The following RSPO2 variants were observed in gnomAD, a reference collection of about 807,000 sequenced individuals.
The protein encoded by RSPO2 is R-spondin 2.
RSPO2 carries 14 observed loss-of-function variants against 30.9 expected under a neutral mutation model. That is an observed-to-expected ratio of 0.45 (90% CI 0.30 to 0.71). The LOEUF (loss-of-function observed/expected upper bound fraction) is 0.71. Ranked by LOEUF, RSPO2 falls within the 30% of genes least tolerant of loss-of-function variation. The pLI is 0.08. For synonymous variants in RSPO2, 107 were observed against 96.4 expected, an observed-to-expected ratio of 1.11 and a Z score of -0.64; for missense variants, 264 against 301.9, an observed-to-expected ratio of 0.87 and a Z score of 0.93.
At chr8:107,990,231 A>C (rs1814802571) in intron 2 of RSPO2, among the ~76,000 whole-genome samples, 1 of 152,208 alleles carries the variant, frequency 6.6e-6, no homozygotes, top group African/African-American at 2.4e-5. Context: ...AAACAAGATA[A>C]AAAGGTACTA....
At chr8:107,907,998 A>T (rs1024625782) in intron 5 of RSPO2, among the ~76,000 whole-genome samples, 7 of 152,104 alleles carry the variant, frequency 4.6e-5, no homozygotes, top group African/African-American at 1.4e-4. Context: ...ATGGAAAAAA[A>T]GCTAACCCTG....
At chr8:107,948,292 G>A (rs1345094902) in intron 5 of RSPO2, among the ~76,000 whole-genome samples, 5 of 152,082 alleles carry the variant, frequency 3.3e-5, no homozygotes, top group South Asian at 2.1e-4. Flanking sequence ...CTAAAGACAC[G>A]GCAATAGAAA....
At chr8:107,938,770 C>T (rs1812796873) in intron 5 of RSPO2, among the ~76,000 whole-genome samples, 1 of 152,140 alleles carries the variant, frequency 6.6e-6, no homozygotes. Context: ...ATGTTGGTGC[C>T]AAATGCGTTC....
intron 2 of RSPO2, among the ~76,000 whole-genome samples, chr8:108,062,029 T>C (rs1465352175): frequency 6.6e-6 from 1 of 151,762 alleles, no homozygotes; most frequent in Non-Finnish European, 1.5e-5. Context: ...GGGACACATT[T>C]AAAGCAGTGT....
At chr8:108,050,306 T>C (rs1023240747) in intron 2 of RSPO2, among the ~76,000 whole-genome samples, 3 of 152,202 alleles carry the variant, frequency 2.0e-5, no homozygotes, top group African/African-American at 2.4e-5. Context: ...ATTTGAGGTA[T>C]GGATCGGTTA....
At chr8:107,922,651 A>G (rs1812213325) in intron 5 of RSPO2, among the ~76,000 whole-genome samples, 1 of 152,178 alleles carries the variant, frequency 6.6e-6, no homozygotes, top group Admixed American at 6.5e-5. Context: ...AATCCTAAGC[A>G]AAAAGAACAA....
rs373748374 is a variant in RSPO2, at chr8:108,062,724, C to T, written c.94+19821G>A. On this transcript the variant is annotated intron_variant, in intron 2 of 5. Coordinates refer to ENST00000276659, the MANE Select transcript of RSPO2 (RefSeq NM_178565.5). ...CTGATATCAAAGTCTGGCAGAGACA[C>T]AATGGAAAAAGAATTTTAGACCAAT... Among the ~76,000 whole-genome samples, 5 of 151,740 alleles carry T rather than the reference C, an allele frequency of 3.3e-5. No individual in the cohort carries two copies. The East Asian group carries it at 9.7e-4, about 29-fold the overall frequency.
intron 3 of RSPO2, among the ~76,000 whole-genome samples, chr8:107,963,522 CAAAAAAAAAA>C (rs61697128): frequency 6.2e-5 from 2 of 32,016 alleles, no homozygotes; most frequent in Non-Finnish European, 9.9e-5. Context: ...AGACCTGTCT[CAAAAAAAAAA>C]AAAAAAAAAA....
chr8:107,952,001 C>T (rs1211272398), intron 5 of RSPO2, among the ~76,000 whole-genome samples: 3 of 152,114 alleles, frequency 2.0e-5, no homozygotes, highest in South Asian at 2.1e-4. Context: ...AGAAAAACTA[C>T]CACCACCATC....
chr8:107,931,070 G>C (rs1389728676), intron 5 of RSPO2, among the ~76,000 whole-genome samples: 1 of 152,086 alleles, frequency 6.6e-6, no homozygotes, highest in Non-Finnish European at 1.5e-5. Context: ...AAGAAGTATA[G>C]ATTACTGCTA....
intron 2 of RSPO2, among the ~76,000 whole-genome samples, chr8:108,046,764 G>T (rs1811918950): frequency 6.6e-6 from 1 of 152,000 alleles, no homozygotes; most frequent in African/African-American, 2.4e-5. Flanking sequence ...AAATAAACAA[G>T]AATTTAAATA....
intron 3 of RSPO2, among the ~76,000 whole-genome samples, chr8:107,972,119 C>T (rs181848977): frequency 2.6e-5 from 4 of 151,950 alleles, no homozygotes; most frequent in Admixed American, 2.6e-4. Flanking sequence ...AAATTTAATG[C>T]TAAGTTTCTA....
chr8:107,955,279 C>T lies in RSPO2; in HGVS notation c.616+2801G>A, dbSNP rs187081502. Among the ~76,000 whole-genome samples, 898 of 150,032 alleles carry T rather than the reference C, an allele frequency of 6.0e-3. 9 individuals carry two copies. Among genetic ancestry groups the T allele is most frequent in the African/African-American group, 0.021 (861 of 41,418 alleles). ...GAACAGGACCTCAGAGATCACCTAT[C>T]CCCCCCTAAATCCTCAATTTTACAC... On this transcript the variant is annotated intron_variant, in intron 5 of 5. Transcript: ENST00000276659.
intron 5 of RSPO2, among the ~76,000 whole-genome samples, chr8:107,927,202 G>A (rs1448938492): frequency 1.3e-5 from 2 of 152,128 alleles, no homozygotes; most frequent in Non-Finnish European, 2.9e-5. Flanking sequence ...GTGTTTGTCT[G>A]TTATTGGTGT....
At chr8:108,031,482 C>T in intron 2 of RSPO2, among the ~76,000 whole-genome samples, 1 of 152,126 alleles carries the variant, frequency 6.6e-6, no homozygotes, top group East Asian at 1.9e-4. Context: ...AGTAGACTGT[C>T]AATTCATTTT....
At chr8:107,920,299 G>A (rs1812116966) in intron 5 of RSPO2, among the ~76,000 whole-genome samples, 1 of 152,048 alleles carries the variant, frequency 6.6e-6, no homozygotes, top group South Asian at 2.1e-4. Context: ...AAATATGGCA[G>A]GTAAACATTT....
At chr8:107,915,454 G>T (rs766540244) in intron 5 of RSPO2, among the ~76,000 whole-genome samples, 3 of 152,260 alleles carry the variant, frequency 2.0e-5, no homozygotes, top group Middle Eastern at 3.4e-3. Flanking sequence ...CTAGTAGAAA[G>T]AATCTTGGTT....
At chr8:107,987,768 C>G (rs575469454) in intron 3 of RSPO2, among the ~76,000 whole-genome samples, 12 of 152,266 alleles carry the variant, frequency 7.9e-5, no homozygotes, top group African/African-American at 2.9e-4. Flanking sequence ...ACTAGTTCTG[C>G]CACCTTCCAA....
At chr8:107,997,534 A>G (rs560700854) in intron 2 of RSPO2, among the ~76,000 whole-genome samples, 8 of 152,218 alleles carry the variant, frequency 5.3e-5, no homozygotes, top group Non-Finnish European at 1.0e-4. Flanking sequence ...AAACATGGAA[A>G]ATCCTGAAAA....
Sources: allele counts gnomAD v4.1 joint callset (sites outside exome capture counted in the v4.1 genomes callset), GRCh38; gene constraint gnomAD v4.1.1; transcripts MANE v1.5; gene names NCBI Gene and HGNC (gene_info 2026-07-23, HGNC 2026-07-21).